Variants in IL1RAPL1 observed in about 807,000 individuals in gnomAD.
IL1RAPL1 encodes interleukin 1 receptor accessory protein like 1.
In IL1RAPL1, 3 loss-of-function variants were observed where a neutral mutation model predicts 48.4. The ratio of observed to expected loss-of-function variants is 0.06; its 90% CI spans 0.03 to 0.16. The LOEUF is 0.16. Among genes scored for constraint, IL1RAPL1 ranks in the 10% least tolerant of loss-of-function variants. The pLI, the probability that IL1RAPL1 is intolerant of heterozygous loss-of-function variation, is 1.00. For missense variants in IL1RAPL1, 349 were observed against 530.6 expected, an observed-to-expected ratio of 0.66 and a Z score of 3.36; for synonymous variants, 185 against 187.7, an observed-to-expected ratio of 0.99 and a Z score of 0.12.
At position 29,548,929 on chromosome X, in the gene IL1RAPL1, A is replaced by G. The variant is rs144498945; in HGVS notation, c.704-119501A>G. ...GCCTTGATTCATCAAGGGGTTTCCA[A>G]AATGTTTTTACAAAGTTCTTATTTT... On this transcript the variant is annotated intron_variant, in intron 5 of 10. Coordinates refer to ENST00000378993, the MANE Select transcript of IL1RAPL1 (RefSeq NM_014271.4). Among the ~76,000 whole-genome samples the G allele has an allele frequency of 4.9e-3, 544 of 112,044 alleles. 3 individuals carry two copies. The highest frequency in any genetic ancestry group is 0.017 in the African/African-American group (520 of 30,918).
intron 2 of IL1RAPL1, among the ~76,000 whole-genome samples, chrX:29,115,510 T>C (rs994918960): frequency 2.7e-5 from 3 of 111,220 alleles, no homozygotes; most frequent in Non-Finnish European, 3.8e-5. Flanking sequence ...ATGTAGTCTT[T>C]TGTCTGATAT....
chrX:29,635,201 C>T (rs766900754), intron 5 of IL1RAPL1, among the ~76,000 whole-genome samples: 5 of 111,151 alleles, frequency 4.5e-5, no homozygotes, highest in Admixed American at 3.8e-4. Flanking sequence ...ATTAATAAGC[C>T]TGGTTTTCCA....
chrX:28,879,419 T>C (rs1249944029), intron 2 of IL1RAPL1, among the ~76,000 whole-genome samples: 4 of 111,210 alleles, frequency 3.6e-5, no homozygotes, highest in African/African-American at 6.5e-5. Context: ...ATACCTAATA[T>C]ATAAATAATT....
chrX:28,984,457 T>C (rs1925417908), intron 2 of IL1RAPL1, among the ~76,000 whole-genome samples: 1 of 111,503 alleles, frequency 9.0e-6, no homozygotes, highest in Non-Finnish European at 1.9e-5. Flanking sequence ...AACTACCACA[T>C]CACACTGAAA....
At chrX:29,824,679 TA>T (rs1177831398) in intron 6 of IL1RAPL1, among the ~76,000 whole-genome samples, 1 of 111,861 alleles carries the variant, frequency 8.9e-6, no homozygotes, top group South Asian at 3.7e-4. Flanking sequence ...TTTGCAATCT[TA>T]AAAAAGGAAG....
At chrX:28,933,070 A>G (rs921440410) in intron 2 of IL1RAPL1, among the ~76,000 whole-genome samples, 1 of 111,793 alleles carries the variant, frequency 8.9e-6, no homozygotes, top group Non-Finnish European at 1.9e-5. Context: ...TCTAGGAATT[A>G]ATATTTCTTT....
At chrX:28,594,131 A>G (rs928856249) in intron 1 of IL1RAPL1, among the ~76,000 whole-genome samples, 2 of 111,878 alleles carry the variant, frequency 1.8e-5, no homozygotes, top group Middle Eastern at 9.2e-3. Flanking sequence ...TGTAGTAAAT[A>G]AAAGATCCAT....
chrX:29,281,389 C>T (rs1344270777), intron 2 of IL1RAPL1, among the ~76,000 whole-genome samples: 1 of 111,324 alleles, frequency 9.0e-6, no homozygotes, highest in Non-Finnish European at 1.9e-5. Context: ...CCTATGGGGA[C>T]CTGTTGTTTT....
chrX:28,856,670 G>T (rs1921814177), intron 2 of IL1RAPL1, among the ~76,000 whole-genome samples: 1 of 110,558 alleles, frequency 9.0e-6, no homozygotes, highest in Admixed American at 9.7e-5. Flanking sequence ...AAATTGTTTT[G>T]GGGCACCACA....
At chrX:29,319,790 T>C (rs1932791900) in intron 3 of IL1RAPL1, among the ~76,000 whole-genome samples, 1 of 111,286 alleles carries the variant, frequency 9.0e-6, no homozygotes, top group African/African-American at 3.3e-5. Context: ...TGGCTCCTGA[T>C]GAAGAAACAG....
chrX:28,975,659 G>C (rs1925187166), intron 2 of IL1RAPL1, among the ~76,000 whole-genome samples: 1 of 112,009 alleles, frequency 8.9e-6, no homozygotes, highest in Admixed American at 9.5e-5. Flanking sequence ...GCAGTAAATA[G>C]AACATATAAC....
chrX:29,620,561 G>A (rs1924428719), intron 5 of IL1RAPL1, among the ~76,000 whole-genome samples: 1 of 111,829 alleles, frequency 8.9e-6, no homozygotes, highest in African/African-American at 3.2e-5. Context: ...TAGACATTAT[G>A]TTTAAAAATG....
At chrX:29,143,133 G>A (rs1416626425) in intron 2 of IL1RAPL1, among the ~76,000 whole-genome samples, 1 of 111,571 alleles carries the variant, frequency 9.0e-6, no homozygotes, top group Non-Finnish European at 1.9e-5. Flanking sequence ...CTGAGTGCCT[G>A]CTACGCAAGG....
At chrX:29,776,128 G>A (rs907673024) in intron 6 of IL1RAPL1, among the ~76,000 whole-genome samples, 3 of 111,648 alleles carry the variant, frequency 2.7e-5, no homozygotes, top group Non-Finnish European at 5.7e-5. Context: ...CATTTTCAGT[G>A]TAAACCTATT....
In IL1RAPL1 at chrX:29,619,191, C is replaced by T. The variant is rs141098762; in HGVS notation, c.704-49239C>T. ...ATTTAGTGCTTGGGTTTGTATATTC[C>T]GATGAACTGATATGCAACTAGAGCT... On this transcript the variant is annotated intron_variant, in intron 5 of 10. Transcript: ENST00000378993. Among the ~76,000 whole-genome samples, 478 of 111,418 alleles carry T rather than the reference C, an allele frequency of 4.3e-3. 5 individuals are homozygous for T. The highest frequency in any genetic ancestry group is 0.036 in the Admixed American group (373 of 10,449).
intron 5 of IL1RAPL1, among the ~76,000 whole-genome samples, chrX:29,588,955 A>G (rs189650175): frequency 8.9e-6 from 1 of 111,957 alleles, no homozygotes. Context: ...AGACAGGTAC[A>G]CTGAGGATAC....
chrX:28,712,152 G>A (rs12387953), intron 1 of IL1RAPL1, among the ~76,000 whole-genome samples: 54,653 of 109,683 alleles, frequency 0.5, 10,203 homozygotes, highest in Middle Eastern at 0.72. Context: ...GCTAGCAAGA[G>A]TGTGTACAGC....
At chrX:29,098,874 G>A (rs757143101) in intron 2 of IL1RAPL1, among the ~76,000 whole-genome samples, 1 of 112,387 alleles carries the variant, frequency 8.9e-6, no homozygotes, top group Non-Finnish European at 1.9e-5. Context: ...TGTATGGCCG[G>A]GTGCAGAGGC....
At chrX:28,682,777 T>A (rs781019768) in intron 1 of IL1RAPL1, among the ~76,000 whole-genome samples, 1 of 112,450 alleles carries the variant, frequency 8.9e-6, no homozygotes, top group African/African-American at 3.2e-5. Flanking sequence ...AACTTTGATG[T>A]TTAGAAATCT....
Sources: gnomAD v4.1 joint callset for allele counts (sites outside exome capture counted in the v4.1 genomes callset) on GRCh38, gnomAD v4.1.1 for gene constraint, MANE v1.5 for transcripts, NCBI Gene and HGNC (gene_info 2026-07-23, HGNC 2026-07-21) for gene names.